Variants in AGPAT4 observed in about 807,000 individuals in gnomAD.
AGPAT4 encodes 1-acyl-sn-glycerol-3-phosphate acyltransferase delta.
Under a neutral mutation model 48.0 loss-of-function variants are expected in AGPAT4, and 15 were observed. That is an observed-to-expected ratio of 0.31 (90% confidence interval 0.21 to 0.48). The LOEUF (loss-of-function observed/expected upper bound fraction) is 0.48. Ranked by LOEUF, AGPAT4 falls within the 20% of genes least tolerant of loss-of-function variation. The pLI is 0.99. For missense variants in AGPAT4, 314 were observed against 482.5 expected, an observed-to-expected ratio of 0.65 and a Z score of 3.27; for synonymous variants, 178 against 198.7, an observed-to-expected ratio of 0.90 and a Z score of 0.88.
At chr6:161,170,140 G>A (rs1780221588) in intron 2 of AGPAT4, among the ~76,000 whole-genome samples, 1 of 152,120 alleles carries the variant, frequency 6.6e-6, no homozygotes, top group African/African-American at 2.4e-5. Context: ...GTGCTTGGTG[G>A]TTCCAACATC....
At chr6:161,183,785 T>C (rs1406922675) in intron 2 of AGPAT4, among the ~76,000 whole-genome samples, 2 of 148,004 alleles carry the variant, frequency 1.4e-5, no homozygotes, top group African/African-American at 5.0e-5. Context: ...CCAGAAGGCC[T>C]CTCAGATGAC....
rs936279262 is a variant in AGPAT4, at chr6:161,204,065, T to C, written c.178+27971A>G. Among the ~76,000 whole-genome samples, 20 of 152,302 alleles carry C rather than the reference T, an allele frequency of 1.3e-4. No homozygotes were observed. The highest frequency in any genetic ancestry group is 8.3e-4 in the South Asian group (4 of 4,828). ...AATGTTGATTCTAGGTTGTTAAATGTTTAAAAACAATTTCAGACTCTTGAG... is the reference window on the plus strand; with the variant it reads ...AATGTTGATTCTAGGTTGTTAAATGCTTAAAAACAATTTCAGACTCTTGAG... On this transcript the variant is annotated intron_variant, in intron 2 of 8. Transcript: ENST00000320285. The surrounding 1 kb of genome is among the most constrained non-coding windows in gnomAD (Gnocchi z 4.4).
At chr6:161,182,955 A>G (rs1444160987) in intron 2 of AGPAT4, among the ~76,000 whole-genome samples, 2 of 152,178 alleles carry the variant, frequency 1.3e-5, no homozygotes, top group Non-Finnish European at 2.9e-5. Flanking sequence ...GCCGAGGCAT[A>G]CCACTGGCTT....
At chr6:161,150,268 AGCG>A (rs1779551542) in intron 5 of AGPAT4, among the ~76,000 whole-genome samples, 1 of 152,212 alleles carries the variant, frequency 6.6e-6, no homozygotes, top group Non-Finnish European at 1.5e-5. Flanking sequence ...TGGGAACCCC[AGCG>A]GCTGCCACCT....
rs1781610013 is a variant in AGPAT4 at position 161,215,122 on chromosome 6, T to C, written c.178+16914A>G. ...ATAGAGACTGTCTAGATGCTTCACA[T>C]TTCTATAGGCTTGAGTACAATTTTA... On this transcript the variant is annotated intron_variant, in intron 2 of 8. Transcript: ENST00000320285. This position sits in a 1 kb window ranked among gnomAD's most constrained non-coding sequence, Gnocchi z 4.5. 6.6e-6 allele frequency among the ~76,000 whole-genome samples: 1 copy of C among 152,220 alleles called. No individual in the cohort carries two copies. Among genetic ancestry groups the C allele is most frequent in the African/African-American group, 2.4e-5 (1 of 41,458 alleles).
rs146932214 is a variant in AGPAT4 at position 161,233,607 on chromosome 6, C to T, written c.-89-1305G>A. Among the ~76,000 whole-genome samples, 1 of 152,230 alleles carries T rather than the reference C, an allele frequency of 6.6e-6. No individual in the cohort carries two copies. The highest frequency in any genetic ancestry group is 1.9e-4 in the East Asian group (1 of 5,182). Reference sequence around the variant, plus strand: ...ACTCTTCTGTTTTTCACTTTCAGTACAGTATTCAATAAATTACAAGGCCTA... The same window carrying T: ...ACTCTTCTGTTTTTCACTTTCAGTATAGTATTCAATAAATTACAAGGCCTA... On this transcript the variant is annotated intron_variant, in intron 1 of 8. Transcript: ENST00000320285. This position sits in a 1 kb window ranked among gnomAD's most constrained non-coding sequence, Gnocchi z 5.4.
rs1274243704 is a variant in AGPAT4 at position 161,159,614 on chromosome 6, T to C, written c.349-5304A>G. On this transcript the variant is annotated intron_variant, in intron 3 of 8. Transcript: ENST00000320285. The surrounding 1 kb of genome is among the most constrained non-coding windows in gnomAD (Gnocchi z 4.1). ...ATCAGTTTGTGTGCACGCGTGCGTG[T>C]GTGTGTGTGTTCATCAAAAGGTGAG... Among the ~76,000 whole-genome samples, 1 of 152,184 alleles carries C rather than the reference T, an allele frequency of 6.6e-6. No individual in the cohort carries two copies. The highest frequency in any genetic ancestry group is 1.9e-4 in the East Asian group (1 of 5,192).
intron 2 of AGPAT4, among the ~76,000 whole-genome samples, chr6:161,224,877 T>C (rs1781930283): frequency 1.3e-5 from 2 of 152,222 alleles, no homozygotes; most frequent in Admixed American, 6.5e-5. Flanking sequence ...TTCTGTTAGA[T>C]ATGAGTTCTA....
intron 2 of AGPAT4, among the ~76,000 whole-genome samples, chr6:161,230,691 T>A (rs1364955678): frequency 6.6e-6 from 1 of 152,186 alleles, no homozygotes; most frequent in African/African-American, 2.4e-5. Context: ...CAAGGAAAAG[T>A]ACATTGTATC....
At chr6:161,194,713 ATGTGTATGTGCATATGTGTG>A (rs1781024867) in intron 2 of AGPAT4, among the ~76,000 whole-genome samples, 1 of 151,928 alleles carries the variant, frequency 6.6e-6, no homozygotes, top group South Asian at 2.1e-4. Context: ...GTGCGTATGT[ATGTGTATGTGCATATGTGTG>A]TGTGTATTTG....
rs1184933463 is a variant in AGPAT4, at chr6:161,212,747, T to C, written c.178+19289A>G. Among the ~76,000 whole-genome samples, 4 of 152,216 alleles carry C rather than the reference T, an allele frequency of 2.6e-5. No individual in the cohort carries two copies. The highest frequency in any genetic ancestry group is 7.2e-5 in the African/African-American group (3 of 41,458). Reference sequence around the variant, plus strand: ...CTACCCTAATACATTTTGTCATCCATGGACAATTGTCTTGTTTTGGTCCTC... The same window carrying C: ...CTACCCTAATACATTTTGTCATCCACGGACAATTGTCTTGTTTTGGTCCTC... On this transcript the variant is annotated intron_variant, in intron 2 of 8. Transcript: ENST00000320285. The surrounding 1 kb of genome is among the most constrained non-coding windows in gnomAD (Gnocchi z 6.1).
rs765411522 is a variant in AGPAT4 at position 161,165,062 on chromosome 6, C to T, written c.348+1186G>A. Reference sequence around the variant, plus strand: ...TGCCATTCACCCCTGGTATCCATGACGGGGTTAGGACCATGACATTCTAAG... The same window carrying T: ...TGCCATTCACCCCTGGTATCCATGATGGGGTTAGGACCATGACATTCTAAG... On this transcript the variant is annotated intron_variant, in intron 3 of 8. Coordinates refer to ENST00000320285, the MANE Select transcript of AGPAT4 (RefSeq NM_020133.3). The surrounding 1 kb of genome is among the most constrained non-coding windows in gnomAD (Gnocchi z 5.5). Among the ~76,000 whole-genome samples, 10 of 152,132 alleles carry T rather than the reference C, an allele frequency of 6.6e-5. No individual in the cohort carries two copies. The highest frequency in any genetic ancestry group is 1.2e-4 in the Non-Finnish European group (8 of 68,030).
rs1781650205 is a variant in AGPAT4, at chr6:161,216,487, G to T, written c.178+15549C>A. On this transcript the variant is annotated intron_variant, in intron 2 of 8. Transcript: ENST00000320285. The surrounding 1 kb of genome is among the most constrained non-coding windows in gnomAD (Gnocchi z 4.8). Reference sequence around the variant, plus strand: ...TCATTCTTTCCCAACTTCCTCCCTGGGCTCCACTGTGGAAACCAAAATGCT... The same window carrying T: ...TCATTCTTTCCCAACTTCCTCCCTGTGCTCCACTGTGGAAACCAAAATGCT... Among the ~76,000 whole-genome samples, 2 of 152,014 alleles carry T rather than the reference G, an allele frequency of 1.3e-5. No individual in the cohort carries two copies. The highest frequency in any genetic ancestry group is 4.8e-5 in the African/African-American group (2 of 41,384).
intron 1 of AGPAT4, among the ~76,000 whole-genome samples, chr6:161,269,122 G>A (rs1279563882): frequency 2.0e-5 from 3 of 152,192 alleles, no homozygotes; most frequent in Non-Finnish European, 4.4e-5. Context: ...ACTTTGAGTC[G>A]ATGTGGGGGG....
chr6:161,179,701 A>C (rs1780532357), intron 2 of AGPAT4, among the ~76,000 whole-genome samples: 1 of 152,188 alleles, frequency 6.6e-6, no homozygotes, highest in African/African-American at 2.4e-5. Flanking sequence ...CAACATGAAG[A>C]CAACAAGGAT....
rs1198120268 is a variant in AGPAT4 at position 161,133,092 on chromosome 6, A to C, written c.*3448T>G. ...TTAAATCTCTTGAGCAGAAGTAGAG[A>C]CCCTAGAGAATCTTCACTGGATACC... is the stretch of plus-strand genomic sequence containing the variant. On this transcript the variant is annotated 3_prime_UTR_variant, in exon 9 of 9. Coordinates refer to ENST00000320285, the MANE Select transcript of AGPAT4 (RefSeq NM_020133.3). 6.6e-6 allele frequency: 1 copy of C among 152,158 alleles called. No individual in the cohort carries two copies. Among genetic ancestry groups the C allele is most frequent in the East Asian group, 1.9e-4 (1 of 5,196 alleles). The allele number at this position is 152,158 out of a possible 1,614,324, so 9.4% of individuals were successfully genotyped here.
At chr6:161,239,145 G>T (rs1045108271) in intron 1 of AGPAT4, among the ~76,000 whole-genome samples, 1 of 152,164 alleles carries the variant, frequency 6.6e-6, no homozygotes, top group Non-Finnish European at 1.5e-5. Flanking sequence ...ACACACTCCA[G>T]CACAGCGTTT....
Position 161,165,323 on chromosome 6 carries a change from A to G in AGPAT4, c.348+925T>C, listed in dbSNP as rs1043435130. ...AGGCTATCTTCATCTGCCTCCAGGA[A>G]CCAGACCCGTCTAGTTCCCTATGTC... On this transcript the variant is annotated intron_variant, in intron 3 of 8. Transcript: ENST00000320285. This position sits in a 1 kb window ranked among gnomAD's most constrained non-coding sequence, Gnocchi z 5.5. Among the ~76,000 whole-genome samples the G allele has an allele frequency of 6.6e-6, 1 of 152,180 alleles. No homozygotes were observed. Among genetic ancestry groups the G allele is most frequent in the African/African-American group, 2.4e-5 (1 of 41,434 alleles).
intron 1 of AGPAT4, among the ~76,000 whole-genome samples, chr6:161,252,711 G>A (rs534186491): frequency 2.2e-4 from 33 of 152,246 alleles, no homozygotes; most frequent in African/African-American, 7.7e-4. Flanking sequence ...TCAGAAGGCT[G>A]AGGTGGGAGG....
Sources: allele counts gnomAD v4.1 joint callset (sites outside exome capture counted in the v4.1 genomes callset), GRCh38; gene constraint gnomAD v4.1.1; non-coding constraint Gnocchi (gnomAD v3.1); transcripts MANE v1.5; gene names NCBI Gene and HGNC (gene_info 2026-07-23, HGNC 2026-07-21).